The following RIMS2 variants were observed in gnomAD, a reference collection of about 807,000 sequenced individuals.
RIMS2 encodes the protein regulating synaptic membrane exocytosis protein 2.
In RIMS2, 59 loss-of-function variants were observed where a neutral mutation model predicts 174.4. The ratio of observed to expected loss-of-function variants is 0.34; its 90% CI spans 0.27 to 0.42. RIMS2 has a LOEUF of 0.42. Among genes scored for constraint, RIMS2 ranks in the 10% least tolerant of loss-of-function variants. RIMS2 has a pLI of 1.00. For synonymous variants in RIMS2, 606 were observed against 572.5 expected (o/e 1.06, Z -0.84); for missense variants, 1,620 against 1,666.3 (o/e 0.97, Z 0.48).
Position 103,846,941 on chromosome 8 carries a change from G to A in RIMS2, c.699-38357G>A, listed in dbSNP as rs75993203. 4.9e-4 allele frequency among the ~76,000 whole-genome samples: 74 copies of A among 152,192 alleles called. 1 individual carries two copies. The East Asian group carries it at 0.013, about 27-fold the overall frequency. On this transcript the variant is annotated intron_variant, in intron 3 of 23. Coordinates refer to ENST00000504942, the Ensembl canonical transcript of RIMS2. ...TTGCAGCGTGACTTGGGAATAACGA[G>A]TCACTCCAGTGGCTAACCTGAATGT...
At chr8:103,921,603 A>C (rs1305017502) in intron 9 of RIMS2, 69 bp from the exon 13 acceptor site, 1 of 760,118 alleles carries the variant, frequency 1.3e-6, no homozygotes, top group Admixed American at 1.8e-5. Flanking sequence ...TAAAAGATAT[A>C]TGGCAAAACT....
intron 2 of RIMS2, among the ~76,000 whole-genome samples, chr8:103,738,934 CT>C (rs1161088961): frequency 1.3e-5 from 2 of 152,056 alleles, no homozygotes; most frequent in African/African-American, 4.8e-5. Flanking sequence ...GTTGGTGGGA[CT>C]GTAAACTAGT....
At chr8:103,968,820 A>G (rs1432739006) in intron 15 of RIMS2, among the ~76,000 whole-genome samples, 1 of 152,058 alleles carries the variant, frequency 6.6e-6, no homozygotes, top group Non-Finnish European at 1.5e-5. Context: ...TTCTATATGT[A>G]GCTTTGAAAT....
Position 104,173,613 on chromosome 8 carries a change from A to ATTTTTT in RIMS2, c.3335-71275_3335-71270dup, listed in dbSNP as rs71297262. Among the ~76,000 whole-genome samples, 370 of 54,254 alleles carry ATTTTTT rather than the reference A, an allele frequency of 6.8e-3. 64 individuals are homozygous for ATTTTTT. The highest frequency in any genetic ancestry group is 0.059 in the Middle Eastern group (2 of 34). 35.6% of individuals were successfully genotyped at this position (54,254 alleles called of 152,430 possible). A position where few individuals can be genotyped will look rare whatever the true frequency, so the allele number is the denominator to read the frequency against. ...AATATTTACTACCTTAGCTCTTCTG[A>ATTTTTT]TTTTTTTTTTTTTTTTTTTTTTTTT... On this transcript the variant is annotated intron_variant, in intron 19 of 23. Coordinates refer to ENST00000504942, the Ensembl canonical transcript of RIMS2.
At chr8:103,999,727 C>T (rs1233260869) in intron 17 of RIMS2, among the ~76,000 whole-genome samples, 1 of 151,650 alleles carries the variant, frequency 6.6e-6, no homozygotes, top group Non-Finnish European at 1.5e-5. Flanking sequence ...TTTTCTTAGT[C>T]TCAGTTATCA....
chr8:104,215,757 A>G (rs6468909), intron 19 of RIMS2, among the ~76,000 whole-genome samples: 20,414 of 152,212 alleles, frequency 0.13, 1,834 homozygotes, highest in African/African-American at 0.25. Context: ...GGAACAGTGG[A>G]ACAGAATGCG....
At chr8:104,103,913 C>T (rs2097966426) in intron 19 of RIMS2, among the ~76,000 whole-genome samples, 1 of 152,058 alleles carries the variant, frequency 6.6e-6, no homozygotes, top group Non-Finnish European at 1.5e-5. Flanking sequence ...ATATGGGACC[C>T]TGCAAGTGAC....
At chr8:103,701,948 T>A (rs890130498) in intron 2 of RIMS2, among the ~76,000 whole-genome samples, 1 of 152,052 alleles carries the variant, frequency 6.6e-6, no homozygotes, top group Non-Finnish European at 1.5e-5. Context: ...GGTACATACG[T>A]GGTAGTGGAA....
chr8:103,736,832 T>C (rs2097690970), intron 2 of RIMS2, among the ~76,000 whole-genome samples: 1 of 152,172 alleles, frequency 6.6e-6, no homozygotes, highest in Admixed American at 6.6e-5. Context: ...TATTTTATAC[T>C]AGGGTTGACA....
At chr8:103,608,515 T>C (rs1563991397) in intron 1 of RIMS2, among the ~76,000 whole-genome samples, 2 of 144,230 alleles carry the variant, frequency 1.4e-5, no homozygotes, top group African/African-American at 2.7e-5. Flanking sequence ...TGTGGTGGGC[T>C]CCACCCAGTT....
chr8:104,068,670 T>C lies in RIMS2; in HGVS notation c.3334+54055T>C, dbSNP rs1555195840. The C allele has an allele frequency of 7.9e-6, 7 of 886,116 alleles. No individual in the cohort carries two copies. In the South Asian group the frequency reaches 1.0e-4, roughly 13 times the overall value. The allele number at this position is 886,116 out of a possible 1,614,324, so 54.9% of individuals were successfully genotyped here. On this transcript the variant is annotated intron_variant, in intron 19 of 23. Transcript: ENST00000504942. ...TAATCAATCATATGAAACAGTTAGA[T>C]TCTTTTAAACTACTAAATGCAGATT...
At chr8:104,123,271 G>A (rs16870990) in intron 19 of RIMS2, among the ~76,000 whole-genome samples, 8,100 of 151,768 alleles carry the variant, frequency 0.053, 533 homozygotes, top group East Asian at 0.16. Context: ...ATGATCTTAC[G>A]ATATTTAAAC....
chr8:103,915,681 C>A, intron 7 of RIMS2, 87 bp downstream of exon 10: 2 of 582,430 alleles, frequency 3.4e-6, no homozygotes, highest in Non-Finnish European at 2.9e-6. Context: ...AGTGATTTGA[C>A]AATAACAAAG....
chr8:104,053,940 G>T (rs985492469), intron 19 of RIMS2, among the ~76,000 whole-genome samples: 2 of 152,050 alleles, frequency 1.3e-5, no homozygotes, highest in African/African-American at 4.8e-5. Flanking sequence ...CAATAAGAGA[G>T]GAATTCAGAA....
rs549252631 is a variant in RIMS2, at chr8:103,690,263, C to T, written c.177-6823C>T. Reference sequence around the variant, plus strand: ...ATAGTCATGAGCCACCGCTCCTGGCCGCATGTGTCTTTTGATTGGAGAGTT... The same window carrying T: ...ATAGTCATGAGCCACCGCTCCTGGCTGCATGTGTCTTTTGATTGGAGAGTT... On this transcript the variant is annotated intron_variant, in intron 1 of 23. Coordinates refer to ENST00000504942, the Ensembl canonical transcript of RIMS2. Among the ~76,000 whole-genome samples the T allele has an allele frequency of 5.3e-5, 8 of 152,156 alleles. No homozygotes were observed. The East Asian group carries it at 5.8e-4, about 11-fold the overall frequency.
chr8:104,003,132 C>T (rs1361125236), intron 17 of RIMS2, among the ~76,000 whole-genome samples: 1 of 152,004 alleles, frequency 6.6e-6, no homozygotes, highest in Non-Finnish European at 1.5e-5. Flanking sequence ...TAGAGCTATA[C>T]ACAACATATT....
intron 19 of RIMS2, among the ~76,000 whole-genome samples, chr8:104,204,142 A>G (rs539806707): frequency 5.1e-4 from 78 of 152,362 alleles, no homozygotes; most frequent in Middle Eastern, 3.4e-3. Context: ...ACTTGGCCAT[A>G]AAACCTGTGG....
chr8:104,253,454 C>A (rs999433774), downstream of RIMS2: 1 of 151,996 alleles, frequency 6.6e-6, no homozygotes, highest in Non-Finnish European at 1.5e-5. Flanking sequence ...CATAAATTTG[C>A]AACAATTTTA....
chr8:103,771,315 TA>T (rs1383133256), intron 3 of RIMS2, among the ~76,000 whole-genome samples: 1 of 152,128 alleles, frequency 6.6e-6, no homozygotes, highest in Admixed American at 6.5e-5. Flanking sequence ...GTTAAGAAAA[TA>T]AAATTAGTGA....
Sources: allele counts gnomAD v4.1 joint callset (sites outside exome capture counted in the v4.1 genomes callset), GRCh38; gene constraint gnomAD v4.1.1; transcripts MANE v1.5; gene names NCBI Gene and HGNC (gene_info 2026-07-23, HGNC 2026-07-21).